Variants in PATJ observed in about 807,000 individuals in gnomAD.
PATJ encodes the protein PATJ crumbs cell polarity complex component.
PATJ carries 190 observed loss-of-function variants against 224.9 expected under a neutral mutation model. The ratio of observed to expected loss-of-function variants is 0.84; its 90% CI spans 0.75 to 0.95. PATJ has a LOEUF of 0.95. PATJ is among the 40% of genes least tolerant of loss of function. The pLI is 0.00. For missense variants in PATJ, 2,121 were observed against 2,270.3 expected, an observed-to-expected ratio of 0.93 and a Z score of 1.34; for synonymous variants, 769 against 820.3, an observed-to-expected ratio of 0.94 and a Z score of 1.07.
At chr1:61,811,212 A>G (rs1654695022) in intron 14 of PATJ, among the ~76,000 whole-genome samples, 2 of 152,156 alleles carry the variant, frequency 1.3e-5, no homozygotes, top group Admixed American at 6.5e-5. Context: ...TATGCCTAGA[A>G]TAGTTGCAAG....
chr1:61,796,740 C>CTTTCTT (rs1557661543), intron 10 of PATJ, among the ~76,000 whole-genome samples: 3 of 50,324 alleles, frequency 6.0e-5, no homozygotes, highest in Admixed American at 2.8e-4. Context: ...TTCTTTCTTT[C>CTTTCTT]TTTTTTTTCT....
At chr1:62,027,125 C>A (rs1421478808) in intron 29 of PATJ, among the ~76,000 whole-genome samples, 2 of 152,206 alleles carry the variant, frequency 1.3e-5, no homozygotes, top group Non-Finnish European at 2.9e-5. Context: ...AACAACTCCC[C>A]ATTCTTCCCT....
intron 28 of PATJ, among the ~76,000 whole-genome samples, chr1:61,991,246 C>T (rs1645048329): frequency 6.6e-6 from 1 of 151,994 alleles, no homozygotes; most frequent in Admixed American, 6.6e-5. Flanking sequence ...ATACCTGGTA[C>T]CAAACACAAC....
intron 7 of PATJ, among the ~76,000 whole-genome samples, chr1:61,783,794 C>G (rs1647918911): frequency 7.6e-6 from 1 of 132,054 alleles, no homozygotes; most frequent in South Asian, 2.7e-4. Context: ...GTTGCTCAGG[C>G]TGGAGTGCAG....
Position 61,798,197 on chromosome 1 carries a change from T to A in PATJ, c.1402+769T>A, listed in dbSNP as rs529760075. Among the ~76,000 whole-genome samples the A allele has an allele frequency of 3.3e-5, 5 of 152,102 alleles. No homozygotes were observed. In the East Asian group the frequency reaches 9.7e-4, roughly 30 times the overall value. On this transcript the variant is annotated intron_variant, in intron 11 of 43. Coordinates refer to ENST00000642238, the MANE Select transcript of PATJ (RefSeq NM_001350145.3). ...TACTGAGAGAAAATAAAACACGTAT[T>A]TGTATTTTATTTTTTTTAGACAGGT...
intron 14 of PATJ, among the ~76,000 whole-genome samples, chr1:61,812,433 A>AGAGAGTGTGTGTGTGTGTGTGTGTGT (rs1397549346): frequency 7.0e-5 from 6 of 85,194 alleles, no homozygotes; most frequent in Non-Finnish European, 1.2e-4. Flanking sequence ...AGAGAGAGAG[A>AGAGAGTGTGTGTGTGTGTGTGTGTGT]GTGTGTGTGT....
chr1:61,744,178 G>A (rs968339916), intron 1 of PATJ, among the ~76,000 whole-genome samples: 5 of 150,162 alleles, frequency 3.3e-5, no homozygotes, highest in African/African-American at 1.2e-4. Context: ...AGGTGTGTCG[G>A]GAGGTTGAGG....
intron 24 of PATJ, among the ~76,000 whole-genome samples, chr1:61,906,135 G>C (rs1261253395): frequency 1.3e-5 from 2 of 152,134 alleles, no homozygotes; most frequent in African/African-American, 4.8e-5. Flanking sequence ...ACATTTACCA[G>C]TTATACAAAG....
chr1:61,999,214 A>G (rs945239081), intron 28 of PATJ, among the ~76,000 whole-genome samples: 4 of 151,994 alleles, frequency 2.6e-5, no homozygotes, highest in Non-Finnish European at 5.9e-5. Flanking sequence ...TCCATAACCT[A>G]CTGGGATTGT....
chr1:61,826,521 A>G (rs954429065), intron 15 of PATJ, among the ~76,000 whole-genome samples: 1 of 152,212 alleles, frequency 6.6e-6, no homozygotes, highest in Non-Finnish European at 1.5e-5. Flanking sequence ...TAGCAGACAG[A>G]TCAGCTCTTA....
intron 29 of PATJ, among the ~76,000 whole-genome samples, chr1:62,025,415 C>T (rs1647662784): frequency 6.6e-6 from 1 of 152,120 alleles, no homozygotes; most frequent in Non-Finnish European, 1.5e-5. Context: ...CAGCACATGG[C>T]CTTATGGTGA....
chr1:62,072,349 C>G (rs529545011), intron 31 of PATJ: 19 of 151,914 alleles, frequency 1.3e-4, no homozygotes, highest in Admixed American at 2.0e-4. Flanking sequence ...GGAAAAAACT[C>G]TAGTTCAGGA....
At chr1:61,928,030 T>G (rs1293439864) in intron 27 of PATJ, among the ~76,000 whole-genome samples, 1 of 152,222 alleles carries the variant, frequency 6.6e-6, no homozygotes, top group Admixed American at 6.5e-5. Flanking sequence ...AAGGGAATAT[T>G]GAAGGAAGCT....
rs182529937 is a variant in PATJ, at chr1:62,139,181, A to G, written c.5272-9103A>G. On this transcript the variant is annotated intron_variant, in intron 41 of 43. Transcript: ENST00000642238. ...TTTGAGAGGCCGAGGCAGGCGGATC[A>G]CGTGAGGTTGGGAGTTTAAGACCAG... is the stretch of plus-strand genomic sequence containing the variant. Among the ~76,000 whole-genome samples, 463 of 152,174 alleles carry G rather than the reference A, an allele frequency of 3.0e-3. 2 individuals carry two copies. The highest frequency in any genetic ancestry group is 0.011 in the African/African-American group (438 of 41,534).
intron 31 of PATJ, among the ~76,000 whole-genome samples, chr1:62,078,100 C>G (rs1658633108): frequency 2.0e-5 from 3 of 152,164 alleles, no homozygotes; most frequent in African/African-American, 7.2e-5. Flanking sequence ...GGAGCAGTTA[C>G]CTTGGTCCTA....
At chr1:62,078,245 A>G (rs1658655271) in intron 31 of PATJ, among the ~76,000 whole-genome samples, 1 of 152,166 alleles carries the variant, frequency 6.6e-6, no homozygotes, top group South Asian at 2.1e-4. Context: ...TTAAATAAGC[A>G]AGGAGTCCTT....
intron 14 of PATJ, among the ~76,000 whole-genome samples, chr1:61,813,876 T>C (rs1655471465): frequency 6.6e-6 from 1 of 152,090 alleles, no homozygotes. Flanking sequence ...TAAAGAGAAA[T>C]AGTATTTCGT....
intron 14 of PATJ, among the ~76,000 whole-genome samples, chr1:61,819,331 T>C (rs940022044): frequency 2.6e-5 from 4 of 152,214 alleles, no homozygotes; most frequent in African/African-American, 9.6e-5. Context: ...ATTCTTTGCC[T>C]ATCATATCAG....
chr1:61,964,683 G>A (rs1460170266), intron 27 of PATJ, among the ~76,000 whole-genome samples: 2 of 151,948 alleles, frequency 1.3e-5, no homozygotes, highest in African/African-American at 4.8e-5. Context: ...TAACTACTGG[G>A]GAGGCTGAGG....
Sources: allele counts gnomAD v4.1 joint callset (sites outside exome capture counted in the v4.1 genomes callset), GRCh38; gene constraint gnomAD v4.1.1; transcripts MANE v1.5; gene names NCBI Gene and HGNC (gene_info 2026-07-23, HGNC 2026-07-21).